The following SIK3 variants were observed in gnomAD, a reference collection of about 807,000 sequenced individuals.
The protein encoded by SIK3 is serine/threonine-protein kinase SIK3.
SIK3 carries 28 observed loss-of-function variants against 144.2 expected under a neutral mutation model. That is an observed-to-expected ratio of 0.19 (90% CI 0.14 to 0.27). The LOEUF is 0.27. Ranked by LOEUF, SIK3 falls within the 10% of genes least tolerant of loss-of-function variation. The pLI is 1.00. For missense variants in SIK3, 1,319 were observed against 1,776.0 expected, an observed-to-expected ratio of 0.74 and a Z score of 4.62; for synonymous variants, 686 against 676.3, an observed-to-expected ratio of 1.01 and a Z score of -0.22.
chr11:117,085,742 T>C (rs1185258182), intron 1 of SIK3, among the ~76,000 whole-genome samples: 1 of 152,074 alleles, frequency 6.6e-6, no homozygotes, highest in East Asian at 1.9e-4. Context: ...CCTAGCACTT[T>C]AGGAGACCGA....
At chr11:117,089,406 CA>C (rs61610114) in intron 1 of SIK3, among the ~76,000 whole-genome samples, 4,374 of 90,420 alleles carry the variant, frequency 0.048, 72 homozygotes, top group South Asian at 0.15. Flanking sequence ...GACTCCGTCT[CA>C]AAAAAAAAAA....
At chr11:116,953,074 T>A (rs1030182365) in intron 3 of SIK3, among the ~76,000 whole-genome samples, 2 of 151,914 alleles carry the variant, frequency 1.3e-5, no homozygotes, top group African/African-American at 4.8e-5. Flanking sequence ...AAAAAAACAC[T>A]AGATCGCTAG....
intron 1 of SIK3, among the ~76,000 whole-genome samples, chr11:117,018,050 C>T (rs1951608309): frequency 6.6e-6 from 1 of 152,028 alleles, no homozygotes; most frequent in African/African-American, 2.4e-5. Flanking sequence ...ATAAAATCTT[C>T]GGGGGTAATA....
chr11:117,087,935 T>C (rs1955085179), intron 1 of SIK3, among the ~76,000 whole-genome samples: 1 of 152,008 alleles, frequency 6.6e-6, no homozygotes, highest in Non-Finnish European at 1.5e-5. Context: ...TATGGTAAAG[T>C]AAAACTGATG....
At chr11:117,090,244 C>T (rs1387080140) in intron 1 of SIK3, among the ~76,000 whole-genome samples, 2 of 152,130 alleles carry the variant, frequency 1.3e-5, no homozygotes, top group African/African-American at 2.4e-5. Context: ...CAGAAAGGGA[C>T]CAAGCTACTC....
At chr11:117,081,760 GA>G (rs1954799821) in intron 1 of SIK3, among the ~76,000 whole-genome samples, 1 of 152,194 alleles carries the variant, frequency 6.6e-6, no homozygotes, top group African/African-American at 2.4e-5. Context: ...TATAGTTTCA[GA>G]GTTTAAACAA....
Position 117,081,350 on chromosome 11 carries a change from G to A in SIK3, c.273+16793C>T, listed in dbSNP as rs549115247. Among the ~76,000 whole-genome samples the A allele has an allele frequency of 5.3e-5, 8 of 152,210 alleles. No homozygotes were observed. The East Asian group carries it at 5.8e-4, about 11-fold the overall frequency. On this transcript the variant is annotated intron_variant, in intron 1 of 24. Coordinates refer to ENST00000445177, the MANE Select transcript of SIK3 (RefSeq NM_001366686.3). Reference sequence around the variant, plus strand: ...AAGTCTTTGAGGCTAGAGGCCGGGCGCAGTGGCTCACACCTGTAATCACAG... The same window carrying A: ...AAGTCTTTGAGGCTAGAGGCCGGGCACAGTGGCTCACACCTGTAATCACAG...
chr11:116,928,298 T>C (rs1947396223), intron 3 of SIK3, among the ~76,000 whole-genome samples: 1 of 152,138 alleles, frequency 6.6e-6, no homozygotes, highest in Admixed American at 6.6e-5. Flanking sequence ...CACATATAGG[T>C]CATGACAGCT....
At position 116,849,973 on chromosome 11, in the gene SIK3, C is replaced by G. The variant is rs1942300162; in HGVS notation, c.3656-690G>C. On this transcript the variant is annotated intron_variant, in intron 21 of 24. Coordinates refer to ENST00000445177, the MANE Select transcript of SIK3 (RefSeq NM_001366686.3). The surrounding 1 kb of genome is among the most constrained non-coding windows in gnomAD (Gnocchi z 4.2). The stretch of plus-strand genomic sequence containing the variant: ...AACCAGCATGTAACACTTACCATGT[C>G]CAATTCCAAACCCATCCACTTCCCC... 6.6e-6 allele frequency among the ~76,000 whole-genome samples: 1 copy of G among 152,160 alleles called. No homozygotes were observed. Among genetic ancestry groups the G allele is most frequent in the South Asian group, 2.1e-4 (1 of 4,830 alleles).
At chr11:116,890,195 A>G (rs1010438235) in intron 6 of SIK3, among the ~76,000 whole-genome samples, 4 of 152,226 alleles carry the variant, frequency 2.6e-5, no homozygotes, top group African/African-American at 9.6e-5. Context: ...CTATGAAGAA[A>G]AAGCAGAATT....
intron 1 of SIK3, among the ~76,000 whole-genome samples, chr11:117,053,763 C>T (rs1953377498): frequency 6.6e-6 from 1 of 151,976 alleles, no homozygotes; most frequent in Non-Finnish European, 1.5e-5. Flanking sequence ...CCTTCTCCCT[C>T]AGCATCCAGA....
chr11:116,993,120 G>A (rs1044266214), intron 1 of SIK3, among the ~76,000 whole-genome samples: 2 of 152,084 alleles, frequency 1.3e-5, no homozygotes, highest in Non-Finnish European at 2.9e-5. Context: ...CTCCTGGCCT[G>A]AGGTGATCCT....
At chr11:117,040,948 C>T (rs868839029) in intron 1 of SIK3, among the ~76,000 whole-genome samples, 65 of 116,798 alleles carry the variant, frequency 5.6e-4, no homozygotes, top group Middle Eastern at 5.0e-3. Flanking sequence ...TACCTGCCTC[C>T]TTTTTTTTTT....
intron 1 of SIK3, among the ~76,000 whole-genome samples, chr11:116,960,005 T>C (rs1051023698): frequency 2.6e-5 from 4 of 152,184 alleles, no homozygotes; most frequent in East Asian, 1.9e-4. Flanking sequence ...TCATTACATG[T>C]TGTATCCATG....
intron 3 of SIK3, among the ~76,000 whole-genome samples, chr11:116,951,378 T>TA (rs1437206515): frequency 2.6e-5 from 4 of 152,172 alleles, no homozygotes; most frequent in African/African-American, 9.6e-5. Flanking sequence ...TCTTTTATAA[T>TA]AATATTACTT....
In SIK3 at chr11:117,074,936, A is replaced by C. The variant is rs12295796; in HGVS notation, c.273+23207T>G. 3.6e-3 allele frequency among the ~76,000 whole-genome samples: 551 copies of C among 152,050 alleles called. 3 individuals are homozygous for C. The highest frequency in any genetic ancestry group is 0.013 in the African/African-American group (527 of 41,452). On this transcript the variant is annotated intron_variant, in intron 1 of 24. Transcript: ENST00000445177. Reference sequence around the variant, plus strand: ...AGAGAGACTCCGTCTCAAAACAAAAAAAAAAAACAACTCAAATGAAATATC... The same window carrying C: ...AGAGAGACTCCGTCTCAAAACAAAACAAAAAAACAACTCAAATGAAATATC...
At chr11:117,017,343 C>T (rs1951581841) in intron 1 of SIK3, among the ~76,000 whole-genome samples, 1 of 152,110 alleles carries the variant, frequency 6.6e-6, no homozygotes, top group Non-Finnish European at 1.5e-5. Flanking sequence ...AAAGCTGGCT[C>T]CTAGGCATGC....
chr11:116,862,012 G>A, intron 17 of SIK3, 86 bp from the exon 18 acceptor site: 8 of 1,259,132 alleles, frequency 6.4e-6, no homozygotes, highest in Non-Finnish European at 9.1e-6. Context: ...GAAACAGAAA[G>A]AACTATCTGT....
intron 1 of SIK3, among the ~76,000 whole-genome samples, chr11:117,033,868 G>A (rs1007239775): frequency 3.9e-5 from 6 of 152,032 alleles, no homozygotes; most frequent in Non-Finnish European, 5.9e-5. Flanking sequence ...AACACCAACT[G>A]GTTCTTCAAC....
Sources: allele counts gnomAD v4.1 joint callset (sites outside exome capture counted in the v4.1 genomes callset), GRCh38; gene constraint gnomAD v4.1.1; non-coding constraint Gnocchi (gnomAD v3.1); transcripts MANE v1.5; gene names NCBI Gene and HGNC (gene_info 2026-07-23, HGNC 2026-07-21).